The following ABI3BP variants were observed in gnomAD, a reference collection of about 807,000 sequenced individuals.
ABI3BP encodes target of Nesh-SH3.
In ABI3BP, 216 loss-of-function variants were observed where a neutral mutation model predicts 268.6. That is an observed-to-expected ratio of 0.80 (90% confidence interval 0.72 to 0.90). The LOEUF (loss-of-function observed/expected upper bound fraction) is 0.90, where lower values mean the gene tolerates loss of function less well. ABI3BP is among the 40% of genes least tolerant of loss of function. ABI3BP has a pLI of 0.00. For missense variants in ABI3BP, 2,090 were observed against 2,182.4 expected, an observed-to-expected ratio of 0.96 and a Z score of 0.84; for synonymous variants, 730 against 730.0, an observed-to-expected ratio of 1.00 and a Z score of 0.00.
intron 61 of ABI3BP, 121 bp downstream of exon 61, chr3:100,774,484 T>C: frequency 1.4e-6 from 1 of 734,460 alleles, no homozygotes; most frequent in African/African-American, 1.8e-5. Flanking sequence ...CCATGAAAAA[T>C]AAAACCTTAT....
rs2098605865 is a variant in ABI3BP at position 100,837,121 on chromosome 3, T to TA, written c.2131+2dup. 4 of 1,532,794 alleles carry TA rather than the reference T, an allele frequency of 2.6e-6. No individual in the cohort carries two copies. In the African/African-American group the frequency reaches 5.5e-5, roughly 21 times the overall value. The allele number at this position is 1,532,794 out of a possible 1,614,324, so 94.9% of individuals were successfully genotyped here. On this transcript the variant is annotated splice_region_variant and intron_variant, in intron 27 of 67. Transcript: ENST00000471714. ...TGGCCAAGAAGGAAGAAAGCATCAT[T>TA]ACCTATGGTCATTGAGGGAGCTTCA...
chr3:100,824,419 A>G (rs1014581167), intron 36 of ABI3BP, among the ~76,000 whole-genome samples: 1 of 152,174 alleles, frequency 6.6e-6, no homozygotes, highest in Non-Finnish European at 1.5e-5. Context: ...TATTTGTGTC[A>G]GGCAAACATA....
At chr3:100,984,643 G>GA (rs1562300852) in intron 1 of ABI3BP, among the ~76,000 whole-genome samples, 2 of 152,214 alleles carry the variant, frequency 1.3e-5, no homozygotes, top group South Asian at 4.2e-4. Context: ...GTAGGTGAGG[G>GA]AAACCTACAA....
At chr3:100,990,773 A>G (rs1449307) in intron 1 of ABI3BP, among the ~76,000 whole-genome samples, 27,480 of 152,006 alleles carry the variant, frequency 0.18, 2,608 homozygotes, top group East Asian at 0.37. Flanking sequence ...CCTATCTGGC[A>G]GGAGGCAGGT....
chr3:100,774,611 A>G lies in ABI3BP; in HGVS notation c.4525T>C (p.Phe1509Leu). Residue 1509 changes from phenylalanine (F) to leucine (L), a missense_variant, in exon 61 of 68, where the codon TTC becomes CTC. Physicochemically the swap from Phe to Leu is conservative, Grantham distance 22 (BLOSUM62 0). Coordinates refer to ENST00000471714, the MANE Select transcript of ABI3BP (RefSeq NM_001375547.2). ...RETDPLGKPRFKGPHVRYIQK... is the reference protein window; with the variant it reads ...RETDPLGKPRLKGPHVRYIQK... ...CACAGCCAGTCATACATACCTTTGA[A>G]TCTTGGCTTCCCAAGAGGATCAGTT... 6.3e-7 allele frequency: 1 copy of G among 1,581,114 alleles called. No individual in the cohort carries two copies. The highest frequency in any genetic ancestry group is 1.2e-5 in the South Asian group (1 of 85,134).
intron 26 of ABI3BP, 118 bp downstream of exon 26, chr3:100,838,092 G>A: frequency 8.4e-7 from 1 of 1,189,196 alleles, no homozygotes; most frequent in Non-Finnish European, 1.2e-6. Context: ...AGAAGATAAT[G>A]AACAAAATTA....
intron 11 of ABI3BP, chr3:100,864,538 T>G (rs113471262): frequency 0.038 from 13,150 of 347,940 alleles, 344 homozygotes; most frequent in Non-Finnish European, 0.048. Flanking sequence ...ATTTGGGAGT[T>G]AAAAGGCTGG....
intron 27 of ABI3BP, 97 bp from the exon 28 acceptor site, chr3:100,835,757 A>G: frequency 9.9e-7 from 1 of 1,005,256 alleles, no homozygotes; most frequent in Non-Finnish European, 1.5e-6. Context: ...AATGTTTTAA[A>G]TACATTTCTG....
intron 1 of ABI3BP, among the ~76,000 whole-genome samples, chr3:100,951,712 A>T (rs2075123553): frequency 6.6e-6 from 1 of 151,998 alleles, no homozygotes; most frequent in Non-Finnish European, 1.5e-5. Context: ...AACATGGAGA[A>T]GTCCAAATGC....
At chr3:100,785,652 C>A (rs182527710) in intron 57 of ABI3BP, among the ~76,000 whole-genome samples, 25 of 152,282 alleles carry the variant, frequency 1.6e-4, no homozygotes, top group Admixed American at 1.2e-3. Flanking sequence ...GCTGTACTCT[C>A]CATCTTAGGA....
chr3:100,957,626 A>G (rs968866018), intron 1 of ABI3BP, among the ~76,000 whole-genome samples: 1 of 152,186 alleles, frequency 6.6e-6, no homozygotes, highest in African/African-American at 2.4e-5. Context: ...CCAATTTAAG[A>G]GACTGGTAAA....
rs2095330407 is a variant in ABI3BP, at chr3:100,751,578, G to A, written c.5219C>T (p.Thr1740Ile). ...FLDGRTGQQL[T>I]SDQLPIKEGY... ...TTCTTTGATTGGTAACTGGTCAGAA[G>A]TGAGTTGCTGCCCAGTGCGTCCATC... The change falls in exon 67 of 68, where the codon ACT becomes ATT. Residue 1740 changes from threonine (T) to isoleucine (I), a missense_variant. Thr to Ile is a moderately conservative substitution (Grantham distance 89). Transcript: ENST00000471714. 1.9e-6 allele frequency: 3 copies of A among 1,596,792 alleles called. No individual in the cohort carries two copies. The highest frequency in any genetic ancestry group is 2.6e-6 in the Non-Finnish European group (3 of 1,170,516).
In ABI3BP at chr3:100,751,593, G is replaced by C. The variant is rs1457656233; in HGVS notation, c.5204C>G (p.Thr1735Ser). ...CTGGTCAGAAGTGAGTTGCTGCCCAGTGCGTCCATCTAAAAATGAATCCAC... is the reference window on the plus strand; with the variant it reads ...CTGGTCAGAAGTGAGTTGCTGCCCACTGCGTCCATCTAAAAATGAATCCAC... Reference protein sequence around the residue: ...QFVDSFLDGRTGQQLTSDQLP... With the variant: ...QFVDSFLDGRSGQQLTSDQLP... The change falls in exon 67 of 68, where the codon ACT becomes AGT. Residue 1735 changes from threonine (T) to serine (S), a missense_variant. Physicochemically the swap from Thr to Ser is moderately conservative, Grantham distance 58. Coordinates refer to ENST00000471714, the MANE Select transcript of ABI3BP (RefSeq NM_001375547.2). 1 of 1,598,660 alleles carries C rather than the reference G, an allele frequency of 6.3e-7. No homozygotes were observed. Among genetic ancestry groups the C allele is most frequent in the Admixed American group, 1.7e-5 (1 of 58,224 alleles).
At chr3:100,864,459 C>T (rs1238074013) in intron 11 of ABI3BP, 2 of 327,216 alleles carry the variant, frequency 6.1e-6, no homozygotes, top group East Asian at 1.2e-4. Flanking sequence ...ATGCACAAGA[C>T]TTCCCAAAGC....
intron 48 of ABI3BP, 122 bp from the exon 49 acceptor site, chr3:100,810,599 C>A: frequency 3.1e-6 from 2 of 639,826 alleles, no homozygotes; most frequent in South Asian, 2.5e-5. Context: ...AAGTCTGCAG[C>A]AAAACAGCAT....
At chr3:100,753,115 T>C (rs1015106120) in intron 65 of ABI3BP, among the ~76,000 whole-genome samples, 167 bp from the exon 66 acceptor site, 21 of 152,192 alleles carry the variant, frequency 1.4e-4, no homozygotes, top group African/African-American at 5.1e-4. Flanking sequence ...CCAGAGTAAG[T>C]TTCTGTCAAT....
intron 6 of ABI3BP, among the ~76,000 whole-genome samples, chr3:100,883,679 C>T (rs9864463): frequency 8.6e-5 from 13 of 151,892 alleles, no homozygotes; most frequent in African/African-American, 2.7e-4. Context: ...ACATTGCTGG[C>T]GAGTTTATAA....
At chr3:100,948,538 G>A (rs1372986893) in intron 1 of ABI3BP, among the ~76,000 whole-genome samples, 3 of 152,086 alleles carry the variant, frequency 2.0e-5, no homozygotes, top group Non-Finnish European at 4.4e-5. Context: ...CAGTTTAATT[G>A]CCGCAATTGG....
At chr3:100,774,736 A>C (rs1158858609) in intron 60 of ABI3BP, 63 bp from the exon 61 acceptor site, 4 of 1,259,230 alleles carry the variant, frequency 3.2e-6, no homozygotes, top group Non-Finnish European at 2.2e-6. Flanking sequence ...ATACAATGAA[A>C]AAGTTGTAGA....
Sources: allele counts gnomAD v4.1 joint callset (sites outside exome capture counted in the v4.1 genomes callset), GRCh38; gene constraint gnomAD v4.1.1; transcripts MANE v1.5; gene names NCBI Gene and HGNC (gene_info 2026-07-23, HGNC 2026-07-21).